CUBN: variants seen among roughly 807,000 people sequenced by gnomAD.
CUBN encodes cubilin.
In CUBN, 282 loss-of-function variants were observed where a neutral mutation model predicts 405.3. The ratio of observed to expected loss-of-function variants is 0.70; its 90% CI spans 0.63 to 0.77. CUBN has a LOEUF of 0.77. Among genes scored for constraint, CUBN ranks in the 30% least tolerant of loss-of-function variants. The pLI is 0.00. For missense variants in CUBN, 4,514 were observed against 4,475.2 expected, an observed-to-expected ratio of 1.01 and a Z score of -0.25; for synonymous variants, 1,684 against 1,617.0, an observed-to-expected ratio of 1.04 and a Z score of -0.99.
chr10:17,003,110 C>G (rs928035543), intron 28 of CUBN, among the ~76,000 whole-genome samples: 2 of 152,164 alleles, frequency 1.3e-5, no homozygotes, highest in African/African-American at 4.8e-5. Flanking sequence ...AGGGAAATAT[C>G]TCTTAACTTA....
chr10:16,995,190 G>A (rs1833698181), intron 28 of CUBN, among the ~76,000 whole-genome samples: 1 of 152,188 alleles, frequency 6.6e-6, no homozygotes, highest in Non-Finnish European at 1.5e-5. Flanking sequence ...TGTCACTTTG[G>A]TAAGAGAAAG....
chr10:16,963,544 C>A (rs1323507184), intron 31 of CUBN, among the ~76,000 whole-genome samples: 1 of 152,088 alleles, frequency 6.6e-6, no homozygotes, highest in Non-Finnish European at 1.5e-5. Flanking sequence ...CTAGCAATTC[C>A]ACTTCTGCAG....
chr10:16,845,237 T>C (rs139017395), intron 60 of CUBN, among the ~76,000 whole-genome samples: 2 of 152,388 alleles, frequency 1.3e-5, no homozygotes, highest in African/African-American at 4.8e-5. Flanking sequence ...GACTTTGATA[T>C]TGGACTACAA....
chr10:16,918,297 G>GT (rs1841942421), intron 45 of CUBN, among the ~76,000 whole-genome samples: 1 of 152,086 alleles, frequency 6.6e-6, no homozygotes, highest in African/African-American at 2.4e-5. Context: ...GTCCATATGA[G>GT]TTTTAAAATA....
At chr10:17,036,322 C>A (rs1460916792) in intron 27 of CUBN, among the ~76,000 whole-genome samples, 4 of 152,140 alleles carry the variant, frequency 2.6e-5, no homozygotes, top group African/African-American at 7.2e-5. Flanking sequence ...TCCGAGGTTG[C>A]TGAAACTCAG....
At chr10:17,127,315 G>C (rs981718522) in intron 3 of CUBN, among the ~76,000 whole-genome samples, 5 of 142,740 alleles carry the variant, frequency 3.5e-5, no homozygotes, top group African/African-American at 1.3e-4. Context: ...GCCTGGGCTG[G>C]AGCACAGTGG....
At chr10:17,065,137 C>T (rs1014607322) in intron 22 of CUBN, among the ~76,000 whole-genome samples, 3 of 141,806 alleles carry the variant, frequency 2.1e-5, no homozygotes, top group Non-Finnish European at 3.0e-5. Context: ...TCTCCCCCCC[C>T]CCCCACACAC....
intron 29 of CUBN, among the ~76,000 whole-genome samples, chr10:16,988,670 T>G (rs564267615): frequency 6.6e-6 from 1 of 152,334 alleles, no homozygotes; most frequent in African/African-American, 2.4e-5. Flanking sequence ...CTTTTCAAGG[T>G]AAGAACTTGT....
At chr10:17,051,707 T>C (rs1346871956) in intron 22 of CUBN, among the ~76,000 whole-genome samples, 1 of 151,438 alleles carries the variant, frequency 6.6e-6, no homozygotes, top group African/African-American at 2.4e-5. Context: ...GAAAAAAAGG[T>C]CAGTAAACTT....
In CUBN at chr10:16,834,499, C is replaced by A. The variant is rs1020075371; in HGVS notation, c.10362+515G>T. The stretch of plus-strand genomic sequence containing the variant: ...GTGAAGAAAGGACAGACCACACCCC[C>A]CTGAGACCAGGGAGCATTTATTCAA... On this transcript the variant is annotated intron_variant, in intron 64 of 66. Transcript: ENST00000377833. 4.6e-5 allele frequency among the ~76,000 whole-genome samples: 7 copies of A among 152,108 alleles called. No homozygotes were observed. The East Asian group carries it at 7.7e-4, about 17-fold the overall frequency.
At chr10:17,065,398 C>T (rs1286911152) in intron 22 of CUBN, 110 bp downstream of exon 22, 21 of 1,369,228 alleles carry the variant, frequency 1.5e-5, no homozygotes, top group Non-Finnish European at 2.2e-5. Flanking sequence ...AAATATAGCT[C>T]TCATTGTGTG....
At chr10:17,063,833 A>G (rs1835554423) in intron 22 of CUBN, among the ~76,000 whole-genome samples, 5 of 152,226 alleles carry the variant, frequency 3.3e-5, no homozygotes, top group Admixed American at 6.5e-5. Context: ...TTCATAGATG[A>G]TTAAAGCCAG....
chr10:16,953,941 AAG>A (rs1274485112), intron 32 of CUBN, among the ~76,000 whole-genome samples: 13 of 152,172 alleles, frequency 8.5e-5, no homozygotes, highest in Middle Eastern at 3.4e-3. Context: ...GGAACAAAGA[AAG>A]AAAAATAAAT....
chr10:17,060,977 A>G (rs1308665732), intron 22 of CUBN, among the ~76,000 whole-genome samples: 6 of 152,180 alleles, frequency 3.9e-5, no homozygotes. Context: ...TGAACCTAGG[A>G]GGCAGAGGTT....
At chr10:17,047,727 G>A (rs753107303) in intron 22 of CUBN, 124 bp from the exon 23 acceptor site, 44 of 874,960 alleles carry the variant, frequency 5.0e-5, no homozygotes, top group Non-Finnish European at 5.7e-5. Context: ...ATTCTGGAAT[G>A]TGCAAATAAA....
intron 28 of CUBN, among the ~76,000 whole-genome samples, chr10:17,004,192 G>A (rs375484135): frequency 1.6e-4 from 25 of 152,282 alleles, no homozygotes; most frequent in African/African-American, 5.3e-4. Context: ...TACTAGCCTT[G>A]CAATAGGCAC....
chr10:16,886,324 T>C (rs1840813062), intron 56 of CUBN, among the ~76,000 whole-genome samples: 1 of 152,214 alleles, frequency 6.6e-6, no homozygotes, highest in Non-Finnish European at 1.5e-5. Context: ...AAACCATACA[T>C]TTCCCAGATG....
At chr10:17,054,961 A>C (rs1275878272) in intron 22 of CUBN, among the ~76,000 whole-genome samples, 1 of 152,118 alleles carries the variant, frequency 6.6e-6, no homozygotes, top group African/African-American at 2.4e-5. Flanking sequence ...TATTACTCCT[A>C]TACCAAACCA....
At chr10:17,058,275 A>T (rs889816736) in intron 22 of CUBN, among the ~76,000 whole-genome samples, 7 of 152,092 alleles carry the variant, frequency 4.6e-5, no homozygotes, top group African/African-American at 1.4e-4. Flanking sequence ...GAACACGAGG[A>T]TCCCTTCTGG....
Sources: gnomAD v4.1 joint callset for allele counts (sites outside exome capture counted in the v4.1 genomes callset) on GRCh38, gnomAD v4.1.1 for gene constraint, MANE v1.5 for transcripts, NCBI Gene and HGNC (gene_info 2026-07-23, HGNC 2026-07-21) for gene names.